Variants in WFS1 observed in about 807,000 individuals in gnomAD.
WFS1 encodes the protein wolframin.
Under a neutral mutation model 68.5 loss-of-function variants are expected in WFS1, and 90 were observed. The observed-to-expected ratio is 1.31, with a 90% CI of 1.11 to 1.56. The LOEUF (loss-of-function observed/expected upper bound fraction) is 1.56. WFS1 is among the 40% of genes most tolerant of loss of function. The probability of loss-of-function intolerance (pLI) is 0.00; values close to 1 mark genes in which losing one functional copy is unlikely to be tolerated. For synonymous variants in WFS1, 860 were observed against 540.7 expected, an observed-to-expected ratio of 1.59 and a Z score of -8.19; for missense variants, 1,767 against 1,232.6, an observed-to-expected ratio of 1.43 and a Z score of -6.49.
chr4:6,286,964 A>T, intron 2 of WFS1, 129 bp from the exon 3 acceptor site: 1 of 831,114 alleles, frequency 1.2e-6, no homozygotes, highest in South Asian at 1.5e-5. Context: ...GTCTCTCTGT[A>T]CTCCTGGCCT....
intron 7 of WFS1, among the ~76,000 whole-genome samples, chr4:6,299,245 A>C (rs936563824): frequency 1.3e-5 from 2 of 152,208 alleles, no homozygotes; most frequent in African/African-American, 4.8e-5. Flanking sequence ...GCTTCACCCC[A>C]TCCTGAGGCT....
At position 6,302,898 on chromosome 4, in the gene WFS1, ATTTG is replaced by A. The variant is rs960431689; in HGVS notation, c.*435_*438del. 4.8e-5 allele frequency: 11 copies of A among 231,308 alleles called. No homozygotes were observed. Among genetic ancestry groups the A allele is most frequent in the African/African-American group, 1.6e-4 (7 of 43,738 alleles). 14.3% of individuals were successfully genotyped at this position (231,308 alleles called of 1,614,324 possible). On this transcript the variant is annotated 3_prime_UTR_variant, in exon 8 of 8. Coordinates refer to ENST00000226760, the MANE Select transcript of WFS1 (RefSeq NM_006005.3). ...TGTAACCTCCACAGTAGCATTTCTT[ATTTG>A]TTTGGTCACTGCTACACCTTAGCAG...
rs1455074976 is a variant in WFS1, at chr4:6,287,318, G to C, written c.315+143G>C. On this transcript the variant is annotated intron_variant, in intron 3 of 7. Coordinates refer to ENST00000226760, the MANE Select transcript of WFS1 (RefSeq NM_006005.3). The surrounding 1 kb of genome is among the most constrained non-coding windows in gnomAD (Gnocchi z 6.4). ...GCGTGGTGCACCCTACCCCACTTGA[G>C]CCCCATGTTGGTAGGGTGCCCATGT... 1 of 740,624 alleles carries C rather than the reference G, an allele frequency of 1.4e-6. No homozygotes were observed. The highest frequency in any genetic ancestry group is 2.4e-6 in the Non-Finnish European group (1 of 425,158). The allele number at this position is 740,624 out of a possible 1,614,324, so 45.9% of individuals were successfully genotyped here.
At chr4:6,293,010 CAAAG>C (rs1011892160) in intron 6 of WFS1, among the ~76,000 whole-genome samples, 10 of 152,300 alleles carry the variant, frequency 6.6e-5, no homozygotes, top group Middle Eastern at 3.4e-3. Context: ...TTGGGGGAGA[CAAAG>C]AAACACCTCA....
At position 6,289,052 on chromosome 4, in the gene WFS1, G is replaced by C; in HGVS notation, c.381G>C (p.Val127=). 1 of 1,601,788 alleles carries C rather than the reference G, an allele frequency of 6.2e-7. No individual in the cohort carries two copies. The highest frequency in any genetic ancestry group is 8.5e-7 in the Non-Finnish European group (1 of 1,174,834). Residue 127 remains valine, a synonymous_variant, in exon 4 of 8, where the codon GTG becomes GTC. Coordinates refer to ENST00000226760, the MANE Select transcript of WFS1 (RefSeq NM_006005.3). ...TDEELNSCTA[V]DWLVLAAKQG... The stretch of plus-strand genomic sequence containing the variant: ...AAGAACTCAACAGCTGCACCGCTGT[G>C]GACTGGCTGGTCCTCGCCGCGAAGC...
intron 1 of WFS1, among the ~76,000 whole-genome samples, chr4:6,276,912 T>C (rs986770341): frequency 1.3e-5 from 2 of 152,218 alleles, no homozygotes; most frequent in African/African-American, 4.8e-5. Flanking sequence ...TCCGCATGGC[T>C]CTGTTACACT....
rs755854526 is a variant in WFS1 at position 6,302,519 on chromosome 4, C to T, written c.*51C>T. ...AGTGCATGTTGCCATGAGGCCTTTC[C>T]CCAGTGTGGCCCCAGCCCGACAGGC... On this transcript the variant is annotated 3_prime_UTR_variant, in exon 8 of 8. Coordinates refer to ENST00000226760, the MANE Select transcript of WFS1 (RefSeq NM_006005.3). 11 of 1,605,246 alleles carry T rather than the reference C, an allele frequency of 6.9e-6. No individual in the cohort carries two copies. The highest frequency in any genetic ancestry group is 5.3e-5 in the African/African-American group (4 of 74,912).
chr4:6,291,776 C>T lies in WFS1; in HGVS notation c.632-141C>T, dbSNP rs991609991. ...AGGTGTGGCCCCTGCTCTGCCTGCC[C>T]TGGGGGCCCTATGATCCCCAGAACG... On this transcript the variant is annotated intron_variant, in intron 5 of 7. Coordinates refer to ENST00000226760, the MANE Select transcript of WFS1 (RefSeq NM_006005.3). 8 of 906,558 alleles carry T rather than the reference C, an allele frequency of 8.8e-6. No homozygotes were observed. In the African/African-American group the frequency reaches 1.2e-4, roughly 13 times the overall value. 56.2% of individuals were successfully genotyped at this position (906,558 alleles called of 1,614,324 possible).
chr4:6,272,103 T>G (rs1321411913), intron 1 of WFS1, among the ~76,000 whole-genome samples: 1 of 152,242 alleles, frequency 6.6e-6, no homozygotes. Flanking sequence ...GGCCTGCCTC[T>G]TCCCACAGTG....
At chr4:6,279,735 C>CA (rs1488127958) in intron 2 of WFS1, among the ~76,000 whole-genome samples, 2 of 152,192 alleles carry the variant, frequency 1.3e-5, no homozygotes, top group Non-Finnish European at 2.9e-5. Flanking sequence ...AGGGGCACCC[C>CA]AGGAGGGCCT....
At position 6,283,330 on chromosome 4, in the gene WFS1, G is replaced by A. The variant is rs187582687; in HGVS notation, c.233-3763G>A. 9.2e-4 allele frequency among the ~76,000 whole-genome samples: 140 copies of A among 152,334 alleles called. No homozygotes were observed. Among genetic ancestry groups the A allele is most frequent in the African/African-American group, 3.1e-3 (128 of 41,576 alleles). ...TGATAGGCAGACTTTCAAAGAATGA[G>A]TTAGATTCAGGACCCTTTTAGTTGT... On this transcript the variant is annotated intron_variant, in intron 2 of 7. Coordinates refer to ENST00000226760, the MANE Select transcript of WFS1 (RefSeq NM_006005.3). The surrounding 1 kb of genome is among the most constrained non-coding windows in gnomAD (Gnocchi z 5.0).
intron 7 of WFS1, 138 bp from the exon 8 acceptor site, chr4:6,300,519 T>A (rs1186577560): frequency 2.3e-6 from 3 of 1,333,226 alleles, no homozygotes; most frequent in Non-Finnish European, 3.1e-6. Flanking sequence ...GGAGGACCAC[T>A]AGGATGGGGC....
At chr4:6,280,425 G>C (rs1277845358) in intron 2 of WFS1, among the ~76,000 whole-genome samples, 1 of 152,174 alleles carries the variant, frequency 6.6e-6, no homozygotes, top group Non-Finnish European at 1.5e-5. Context: ...GAATAAAGCT[G>C]GGCTTGTCAC....
At chr4:6,299,206 C>A (rs1200750091) in intron 7 of WFS1, among the ~76,000 whole-genome samples, 1 of 152,240 alleles carries the variant, frequency 6.6e-6, no homozygotes, top group Non-Finnish European at 1.5e-5. Flanking sequence ...ACCAGGAAGG[C>A]ATGAGGGCTG....
rs767049596 is a variant in WFS1, at chr4:6,301,860, C to T, written c.2065C>T (p.Leu689Phe). Residue 689 changes from leucine (L) to phenylalanine (F), a missense_variant, in exon 8 of 8, where the codon CTC becomes TTC. Transcript: ENST00000226760. Reference protein sequence around the residue: ...KETNMARTQILCSHLEGHRVT... With the variant: ...KETNMARTQIFCSHLEGHRVT... ...GACCAACATGGCGCGCACCCAGATCCTCTGCAGCCACCTGGAGGGCCACAG... is the reference window on the plus strand; with the variant it reads ...GACCAACATGGCGCGCACCCAGATCTTCTGCAGCCACCTGGAGGGCCACAG... 3.1e-6 allele frequency: 5 copies of T among 1,612,926 alleles called. No individual in the cohort carries two copies. The African/African-American group carries it at 5.3e-5, about 17-fold the overall frequency.
At position 6,282,399 on chromosome 4, in the gene WFS1, C is replaced by T. The variant is rs540311403; in HGVS notation, c.233-4694C>T. On this transcript the variant is annotated intron_variant, in intron 2 of 7. Coordinates refer to ENST00000226760, the MANE Select transcript of WFS1 (RefSeq NM_006005.3). ...CTTTTCTTTCTACCTTTCCCTTTGG[C>T]ACAGCCCCTTGTTGTGGGCGTCACG... Among the ~76,000 whole-genome samples, 19 of 152,340 alleles carry T rather than the reference C, an allele frequency of 1.2e-4. No homozygotes were observed. In the South Asian group the frequency reaches 3.9e-3, roughly 32 times the overall value.
chr4:6,296,680 C>A (rs1375634214), intron 7 of WFS1, among the ~76,000 whole-genome samples: 4 of 152,192 alleles, frequency 2.6e-5, no homozygotes, highest in Non-Finnish European at 5.9e-5. Context: ...TTGGGCCAGG[C>A]GGCCATGGCC....
At chr4:6,293,691 C>T (rs1390618900) in intron 6 of WFS1, among the ~76,000 whole-genome samples, 1 of 152,196 alleles carries the variant, frequency 6.6e-6, no homozygotes, top group African/African-American at 2.4e-5. Flanking sequence ...GATGTCCTGT[C>T]TCTCAGGACA....
At chr4:6,274,171 C>T (rs1729918701) in intron 1 of WFS1, among the ~76,000 whole-genome samples, 1 of 152,086 alleles carries the variant, frequency 6.6e-6, no homozygotes, top group Admixed American at 6.5e-5. Context: ...CTCAGCCTCC[C>T]CAGTAGTTGG....
Sources: allele counts gnomAD v4.1 joint callset (sites outside exome capture counted in the v4.1 genomes callset), GRCh38; gene constraint gnomAD v4.1.1; non-coding constraint Gnocchi (gnomAD v3.1); transcripts MANE v1.5; gene names NCBI Gene and HGNC (gene_info 2026-07-23, HGNC 2026-07-21).